TTYH2: variants seen among roughly 807,000 people sequenced by gnomAD.
TTYH2 encodes tweety family member 2, also known as protein tweety homolog 2.
Under a neutral mutation model 68.3 loss-of-function variants are expected in TTYH2, and 49 were observed. The observed-to-expected ratio is 0.72, with a 90% confidence interval of 0.57 to 0.91. TTYH2 has a LOEUF of 0.91. TTYH2 is among the 40% of genes least tolerant of loss of function. The pLI, the probability that TTYH2 is intolerant of heterozygous loss-of-function variation, is 0.00. For missense variants in TTYH2, 631 were observed against 700.4 expected (o/e 0.90, Z 1.12); for synonymous variants, 272 against 300.8 (o/e 0.90, Z 0.99).
At chr17:74,249,662 C>A (rs1286420627) in intron 8 of TTYH2, among the ~76,000 whole-genome samples, 1 of 152,216 alleles carries the variant, frequency 6.6e-6, no homozygotes, top group African/African-American at 2.4e-5. Context: ...TTCTGTACTA[C>A]TCACAAGCTC....
At chr17:74,220,230 AT>A (rs1442315680) in intron 1 of TTYH2, among the ~76,000 whole-genome samples, 2 of 152,180 alleles carry the variant, frequency 1.3e-5, no homozygotes, top group Non-Finnish European at 2.9e-5. Context: ...AGAACGTGGC[AT>A]TTCTATCCAC....
chr17:74,226,819 G>A (rs148277707), intron 2 of TTYH2, among the ~76,000 whole-genome samples: 40 of 152,168 alleles, frequency 2.6e-4, no homozygotes, highest in African/African-American at 8.2e-4. Flanking sequence ...CAGGGGGAAA[G>A]CAACACCACC....
chr17:74,253,304 C>T (rs777493845), intron 12 of TTYH2, 38 bp downstream of exon 12: 39 of 1,530,476 alleles, frequency 2.5e-5, no homozygotes, highest in Middle Eastern at 2.2e-4. Flanking sequence ...GGTAGCACTG[C>T]CCGGACAGCA....
chr17:74,244,855 A>AGTGTGTGTGTGTGT (rs58119512), intron 6 of TTYH2, among the ~76,000 whole-genome samples: 71 of 149,924 alleles, frequency 4.7e-4, no homozygotes, highest in Middle Eastern at 7.0e-3. Context: ...GTGGAGGTGC[A>AGTGTGTGTGTGTGT]GTGTGTGTGT....
intron 9 of TTYH2, 69 bp from the exon 10 acceptor site, chr17:74,250,196 C>A: frequency 6.6e-7 from 1 of 1,518,366 alleles, no homozygotes; most frequent in Non-Finnish European, 9.0e-7. Context: ...AGCACAGCTG[C>A]TGTGGTGGTT....
chr17:74,257,682 T>C (rs2050707079), intron 13 of TTYH2, among the ~76,000 whole-genome samples: 1 of 152,196 alleles, frequency 6.6e-6, no homozygotes, highest in Admixed American at 6.5e-5. Context: ...TAATCTCTCC[T>C]GTCCTTTTAG....
At chr17:74,235,752 T>C (rs1205028571) in intron 3 of TTYH2, among the ~76,000 whole-genome samples, 1 of 152,024 alleles carries the variant, frequency 6.6e-6, no homozygotes, top group African/African-American at 2.4e-5. Flanking sequence ...TAGCCGGGCA[T>C]GGTGGTGCAC....
chr17:74,226,438 C>G (rs1281176835), intron 2 of TTYH2, among the ~76,000 whole-genome samples: 1 of 152,044 alleles, frequency 6.6e-6, no homozygotes, highest in Non-Finnish European at 1.5e-5. Flanking sequence ...AAGCTGACCA[C>G]TGCACGTGGG....
intron 6 of TTYH2, among the ~76,000 whole-genome samples, chr17:74,247,563 C>T (rs1382015094): frequency 2.0e-5 from 3 of 152,158 alleles, no homozygotes; most frequent in Non-Finnish European, 4.4e-5. Flanking sequence ...ACTGTGGAGC[C>T]TTGGACTGGA....
rs576585561 is a variant in TTYH2 at position 74,260,375 on chromosome 17, A to G, written c.*166A>G. ...CCGACCAAAGCCCCAGGGGGTGCAG[A>G]AGACTCACCACGCGGGCCAGCCTCT... On this transcript the variant is annotated 3_prime_UTR_variant, in exon 14 of 14. Coordinates refer to ENST00000269346, the MANE Select transcript of TTYH2 (RefSeq NM_032646.6). 3 of 671,326 alleles carry G rather than the reference A, an allele frequency of 4.5e-6. No individual in the cohort carries two copies. The East Asian group carries it at 8.2e-5, about 18-fold the overall frequency. The allele number at this position is 671,326 out of a possible 1,614,324, so 41.6% of individuals were successfully genotyped here.
At chr17:74,252,476 C>A in intron 11 of TTYH2, 100 bp downstream of exon 11, 2 of 1,412,408 alleles carry the variant, frequency 1.4e-6, no homozygotes, top group Middle Eastern at 2.3e-4. Flanking sequence ...TAACCCAGGA[C>A]TGAGGAGGGC....
chr17:74,224,998 C>T (rs369064293), intron 2 of TTYH2, among the ~76,000 whole-genome samples: 1 of 123,446 alleles, frequency 8.1e-6, no homozygotes, highest in Non-Finnish European at 1.7e-5. Context: ...GACTCCGTCT[C>T]AAAAAAAAAA....
chr17:74,251,147 GTGTA>G (rs747866628), intron 10 of TTYH2, among the ~76,000 whole-genome samples: 56 of 151,340 alleles, frequency 3.7e-4, no homozygotes, highest in Non-Finnish European at 6.6e-4. Flanking sequence ...TATGTGATGT[GTGTA>G]TGTATGTGTG....
At position 74,249,096 on chromosome 17, in the gene TTYH2, C is replaced by T. The variant is rs367994300; in HGVS notation, c.874+16C>T. The T allele has an allele frequency of 9.9e-6, 16 of 1,614,024 alleles. No individual in the cohort carries two copies. In the African/African-American group the frequency reaches 2.0e-4, roughly 20 times the overall value. ...ATCAGCACAGGTAACTACACACTCT[C>T]AGGCTGCTGCTGTGGATGCATAGGT... On this transcript the variant is annotated intron_variant, in intron 7 of 13. Transcript: ENST00000269346.
intron 1 of TTYH2, among the ~76,000 whole-genome samples, chr17:74,221,081 C>T (rs763560956): frequency 3.3e-5 from 5 of 152,174 alleles, no homozygotes; most frequent in Non-Finnish European, 7.3e-5. Flanking sequence ...GCGTGAGCCA[C>T]CACACCTGGC....
chr17:74,226,104 G>C (rs1409756467), intron 2 of TTYH2, among the ~76,000 whole-genome samples: 1 of 152,242 alleles, frequency 6.6e-6, no homozygotes, highest in Non-Finnish European at 1.5e-5. Context: ...GCAGGGAACC[G>C]GGAAGAGAAG....
chr17:74,236,196 C>T (rs1172849047), intron 3 of TTYH2, among the ~76,000 whole-genome samples: 2 of 152,158 alleles, frequency 1.3e-5, no homozygotes, highest in African/African-American at 2.4e-5. Flanking sequence ...GAGAAGGCGC[C>T]GGTTTCCTCC....
chr17:74,215,846 C>T lies in TTYH2; in HGVS notation c.129+2130C>T, dbSNP rs2050217243. 2.2e-6 allele frequency: 2 copies of T among 891,260 alleles called. No individual in the cohort carries two copies. The highest frequency in any genetic ancestry group is 1.7e-5 in the African/African-American group (1 of 60,286). 55.2% of individuals were successfully genotyped at this position (891,260 alleles called of 1,614,324 possible). A position where few individuals can be genotyped will look rare whatever the true frequency, so the allele number is the denominator to read the frequency against. ...AGCTTGACTGGAGCAAGTGCTATGC[C>T]AGGCGTGGGGTGACCGTGGTAACCA... On this transcript the variant is annotated intron_variant, in intron 1 of 13. Transcript: ENST00000269346. This position sits in a 1 kb window ranked among gnomAD's most constrained non-coding sequence, Gnocchi z 4.3.
chr17:74,223,002 A>G (rs565399117), intron 2 of TTYH2, among the ~76,000 whole-genome samples: 5 of 152,350 alleles, frequency 3.3e-5, no homozygotes, highest in Non-Finnish European at 5.9e-5. Context: ...CTGTGAGGTC[A>G]GAAGAAAGTT....
Sources: allele counts gnomAD v4.1 joint callset (sites outside exome capture counted in the v4.1 genomes callset), GRCh38; gene constraint gnomAD v4.1.1; non-coding constraint Gnocchi (gnomAD v3.1); transcripts MANE v1.5; gene names NCBI Gene and HGNC (gene_info 2026-07-23, HGNC 2026-07-21).